Variants in HDLBP observed in about 807,000 individuals in gnomAD.
HDLBP encodes high density lipoprotein binding protein, also known as vigilin.
A neutral mutation model predicts 137.3 loss-of-function variants in HDLBP; 30 were observed. That is an observed-to-expected ratio of 0.22 (90% CI 0.16 to 0.30). HDLBP has a LOEUF of 0.30. HDLBP is among the 10% of genes least tolerant of loss of function. The pLI, the probability that HDLBP is intolerant of heterozygous loss-of-function variation, is 1.00. For synonymous variants in HDLBP, 606 were observed against 596.0 expected (o/e 1.02, Z -0.24); for missense variants, 1,119 against 1,667.3 (o/e 0.67, Z 5.73).
intron 1 of HDLBP, chr2:241,279,954 C>T (rs2074534901): frequency 6.1e-6 from 6 of 985,284 alleles, no homozygotes; most frequent in East Asian, 1.1e-4. Flanking sequence ...TGACAGGAAC[C>T]CGCTGCAGTG....
rs2069636881 is a variant in HDLBP, at chr2:241,230,691, T to C, written c.3474+68A>G. ...TGAGGGGAAGGCCATGCCCTGCTCTTTCTTCTGGCCAGCCAGGTGCCCCCG... is the reference window on the plus strand; with the variant it reads ...TGAGGGGAAGGCCATGCCCTGCTCTCTCTTCTGGCCAGCCAGGTGCCCCCG... On this transcript the variant is annotated intron_variant, in intron 25 of 27. Transcript: ENST00000310931. This position sits in a 1 kb window ranked among gnomAD's most constrained non-coding sequence, Gnocchi z 5.0. 1.2e-5 allele frequency: 17 copies of C among 1,410,700 alleles called. No individual in the cohort carries two copies. Among genetic ancestry groups the C allele is most frequent in the Non-Finnish European group, 1.4e-5 (14 of 1,010,598 alleles). The allele number at this position is 1,410,700 out of a possible 1,614,324, so 87.4% of individuals were successfully genotyped here.
intron 1 of HDLBP, among the ~76,000 whole-genome samples, chr2:241,295,955 T>G (rs1201905943): frequency 1.3e-5 from 2 of 152,082 alleles, no homozygotes; most frequent in African/African-American, 4.8e-5. Context: ...GAGAATACAT[T>G]CCTGTTGTAA....
At position 241,296,333 on chromosome 2, in the gene HDLBP, A is replaced by C. The variant is rs550339405; in HGVS notation, c.-103+19237T>G. On this transcript the variant is annotated intron_variant, in intron 1 of 27. Coordinates refer to ENST00000310931, the MANE Select transcript of HDLBP (RefSeq NM_005336.6). ...ATATAAAGTTTGATCCCTACCTCAC[A>C]ACATACTCTAAAATAAATTTCAGCT... 7.9e-5 allele frequency among the ~76,000 whole-genome samples: 12 copies of C among 152,320 alleles called. No homozygotes were observed. In the South Asian group the frequency reaches 1.0e-3, roughly 13 times the overall value.
chr2:241,313,741 T>C (rs766535712), intron 1 of HDLBP, among the ~76,000 whole-genome samples: 26 of 152,168 alleles, frequency 1.7e-4, no homozygotes, highest in Non-Finnish European at 3.5e-4. Context: ...AATACGTATT[T>C]ACTCAAGAAG....
rs919029066 is a variant in HDLBP, at chr2:241,272,364, G to C, written c.-102-3823C>G. On this transcript the variant is annotated intron_variant, in intron 1 of 27. Transcript: ENST00000310931. This position sits in a 1 kb window ranked among gnomAD's most constrained non-coding sequence, Gnocchi z 5.6. ...CGGCCCCGCCAACGTCAGCGACCTG[G>C]GCTCAGGTCGGCCGCCCCTCCGCGC... 1.0e-5 allele frequency: 10 copies of C among 983,976 alleles called. No homozygotes were observed. The African/African-American group carries it at 1.6e-4, about 15-fold the overall frequency. 61.0% of individuals were successfully genotyped at this position (983,976 alleles called of 1,614,324 possible). A position where few individuals can be genotyped will look rare whatever the true frequency, so the allele number is the denominator to read the frequency against.
intron 13 of HDLBP, 31 bp downstream of exon 13, chr2:241,248,213 A>AG (rs772080585): frequency 1.3e-6 from 2 of 1,575,204 alleles, no homozygotes; most frequent in South Asian, 2.2e-5. Context: ...TCACTCCTAT[A>AG]GAGTTACAGA....
intron 11 of HDLBP, among the ~76,000 whole-genome samples, 171 bp downstream of exon 11, chr2:241,252,786 A>G (rs2072297408): frequency 6.6e-6 from 1 of 152,242 alleles, no homozygotes; most frequent in Non-Finnish European, 1.5e-5. Flanking sequence ...ACCAAAGGGA[A>G]AAGGAAAAGT....
intron 3 of HDLBP, among the ~76,000 whole-genome samples, chr2:241,266,053 A>C (rs902606807): frequency 2.6e-5 from 4 of 152,248 alleles, no homozygotes; most frequent in Non-Finnish European, 5.9e-5. Flanking sequence ...GTGTGTTTCG[A>C]ACAACCTGGA....
chr2:241,277,088 A>G (rs559440767), intron 1 of HDLBP, among the ~76,000 whole-genome samples: 10 of 152,240 alleles, frequency 6.6e-5, no homozygotes, highest in African/African-American at 1.4e-4. Context: ...TAAAGACTAT[A>G]TAAGTTTTAA....
At chr2:241,289,318 G>A (rs6704615) in intron 1 of HDLBP, among the ~76,000 whole-genome samples, 79,413 of 152,008 alleles carry the variant, frequency 0.52, 21,621 homozygotes, top group East Asian at 0.78. Context: ...CATCTCTCCA[G>A]GTACTCTCTT....
intron 6 of HDLBP, 36 bp downstream of exon 6, chr2:241,256,564 G>C (rs1204999647): frequency 6.2e-7 from 1 of 1,600,592 alleles, no homozygotes; most frequent in African/African-American, 1.3e-5. Flanking sequence ...GCACAAGCAG[G>C]TAGGCAGGGG....
At chr2:241,249,806 A>C in intron 12 of HDLBP, 35 bp downstream of exon 12, 21 of 1,570,750 alleles carry the variant, frequency 1.3e-5, no homozygotes, top group Non-Finnish European at 1.7e-5. Context: ...ACGCAAGGCC[A>C]GTGCCTTTCT....
chr2:241,251,412 C>T (rs1485485399), intron 11 of HDLBP, among the ~76,000 whole-genome samples: 1 of 152,218 alleles, frequency 6.6e-6, no homozygotes, highest in Non-Finnish European at 1.5e-5. Flanking sequence ...AAGACTGACA[C>T]CAGAGAGCTC....
chr2:241,240,071 A>T lies in HDLBP; in HGVS notation c.2221T>A (p.Phe741Ile). 2 of 1,614,180 alleles carry T rather than the reference A, an allele frequency of 1.2e-6. No individual in the cohort carries two copies. Among genetic ancestry groups the T allele is most frequent in the Non-Finnish European group, 8.5e-7 (1 of 1,180,032 alleles). ...TTGCCGCCCCCCTTGCCGATGAGGA[A>T]TTTGTGGTATTCTGGCTTGGCGCGG... ...DIRAKPEYHK[F>I]LIGKGGGKIR... Residue 741 changes from phenylalanine (F) to isoleucine (I), a missense_variant, in exon 18 of 28, where the codon TTC becomes ATC. Transcript: ENST00000310931. The surrounding 1 kb of genome is among the most constrained non-coding windows in gnomAD (Gnocchi z 5.5).
intron 1 of HDLBP, among the ~76,000 whole-genome samples, chr2:241,277,811 ATTAG>A (rs1210882125): frequency 3.9e-5 from 6 of 152,098 alleles, no homozygotes; most frequent in Non-Finnish European, 8.8e-5. Context: ...AAAATGCAAA[ATTAG>A]TTGGGCGTGG....
chr2:241,244,889 C>T (rs986404728), intron 16 of HDLBP, among the ~76,000 whole-genome samples: 2 of 151,880 alleles, frequency 1.3e-5, no homozygotes, highest in African/African-American at 2.4e-5. Context: ...TGGCTGAGCA[C>T]GTGGGGATGG....
chr2:241,234,041 C>A lies in HDLBP; in HGVS notation c.3145-78G>T. 4 of 1,524,962 alleles carry A rather than the reference C, an allele frequency of 2.6e-6. No homozygotes were observed. In the South Asian group the frequency reaches 4.6e-5, roughly 18 times the overall value. The allele number at this position is 1,524,962 out of a possible 1,614,324, so 94.5% of individuals were successfully genotyped here. ...GACTCCATTCCCCTTCCACCCTGGT[C>A]ATAGGACACTGGAGATGCTGCAGTG... On this transcript the variant is annotated intron_variant, in intron 23 of 27. Coordinates refer to ENST00000310931, the MANE Select transcript of HDLBP (RefSeq NM_005336.6).
intron 16 of HDLBP, among the ~76,000 whole-genome samples, chr2:241,244,970 A>C (rs961008963): frequency 2.6e-5 from 4 of 152,166 alleles, no homozygotes; most frequent in African/African-American, 9.7e-5. Flanking sequence ...GGACAGGGTG[A>C]TGGTTGCACA....
At chr2:241,229,784 G>GGGCGC in intron 27 of HDLBP, 49 bp downstream of exon 27, 1 of 1,502,550 alleles carries the variant, frequency 6.7e-7, no homozygotes, top group Non-Finnish European at 9.1e-7. Flanking sequence ...AAGCCCGCCT[G>GGGCGC]CCCGCCCACC....
Sources: gnomAD v4.1 joint callset for allele counts (sites outside exome capture counted in the v4.1 genomes callset) on GRCh38, gnomAD v4.1.1 for gene constraint, Gnocchi (gnomAD v3.1) non-coding constraint, MANE v1.5 for transcripts, NCBI Gene and HGNC (gene_info 2026-07-23, HGNC 2026-07-21) for gene names.